Variants in MLLT3 observed in about 807,000 individuals in gnomAD.
MLLT3 encodes MLLT3 super elongation complex subunit.
A neutral mutation model predicts 53.2 loss-of-function variants in MLLT3; 4 were observed. That is an observed-to-expected ratio of 0.08 (90% CI 0.04 to 0.17). MLLT3 has a LOEUF of 0.17. Ranked by LOEUF, MLLT3 falls within the 10% of genes least tolerant of loss-of-function variation. The pLI, the probability that MLLT3 is intolerant of heterozygous loss-of-function variation, is 1.00. For synonymous variants in MLLT3, 283 were observed against 230.6 expected (o/e 1.23, Z -2.06); for missense variants, 569 against 684.0 (o/e 0.83, Z 1.87).
intron 2 of MLLT3, among the ~76,000 whole-genome samples, chr9:20,587,872 T>G (rs905612447): frequency 6.6e-6 from 1 of 152,172 alleles, no homozygotes; most frequent in Non-Finnish European, 1.5e-5. Flanking sequence ...AATTTTGGCT[T>G]TTGTTGACAT....
At chr9:20,389,942 T>G (rs1017113846) in intron 5 of MLLT3, among the ~76,000 whole-genome samples, 7 of 152,260 alleles carry the variant, frequency 4.6e-5, no homozygotes, top group African/African-American at 1.7e-4. Context: ...GGCAACTTGA[T>G]TCAGCTCCTA....
chr9:20,450,182 C>T (rs1353464568), intron 3 of MLLT3, among the ~76,000 whole-genome samples: 3 of 152,206 alleles, frequency 2.0e-5, no homozygotes, highest in Non-Finnish European at 2.9e-5. Context: ...TCCTCACTCA[C>T]TACAGTCAAA....
intron 5 of MLLT3, among the ~76,000 whole-genome samples, chr9:20,372,755 C>T (rs1821644937): frequency 6.6e-6 from 1 of 151,914 alleles, no homozygotes; most frequent in Admixed American, 6.6e-5. Flanking sequence ...ATATCTTCAG[C>T]ACTCCAATCG....
chr9:20,529,141 G>A (rs1042629034), intron 2 of MLLT3, among the ~76,000 whole-genome samples: 1 of 152,252 alleles, frequency 6.6e-6, no homozygotes, highest in Non-Finnish European at 1.5e-5. Context: ...CTGAGACTAC[G>A]CCTTACAATC....
At chr9:20,528,235 T>C (rs1240071891) in intron 2 of MLLT3, among the ~76,000 whole-genome samples, 1 of 152,256 alleles carries the variant, frequency 6.6e-6, no homozygotes, top group African/African-American at 2.4e-5. Flanking sequence ...TGTGTATAAA[T>C]ATATCCATGT....
chr9:20,381,583 A>T (rs971185302), intron 5 of MLLT3, among the ~76,000 whole-genome samples: 5 of 151,950 alleles, frequency 3.3e-5, no homozygotes, highest in African/African-American at 1.2e-4. Context: ...ACTATTAAAC[A>T]AGTTAAAAAT....
chr9:20,477,540 A>T (rs1013256634), intron 2 of MLLT3, among the ~76,000 whole-genome samples: 5 of 152,150 alleles, frequency 3.3e-5, no homozygotes, highest in Non-Finnish European at 7.4e-5. Flanking sequence ...TTACTGTCCT[A>T]ATGACCAGAA....
chr9:20,573,114 A>C (rs1231716441), intron 2 of MLLT3, among the ~76,000 whole-genome samples: 1 of 113,900 alleles, frequency 8.8e-6, no homozygotes, highest in Non-Finnish European at 2.0e-5. Context: ...AACTATCACA[A>C]CAGGAGAACT....
chr9:20,591,978 AT>A (rs995244377), intron 2 of MLLT3, among the ~76,000 whole-genome samples: 1 of 152,086 alleles, frequency 6.6e-6, no homozygotes, highest in African/African-American at 2.4e-5. Flanking sequence ...TAGGCAACAC[AT>A]TTTTTTAATA....
chr9:20,503,705 G>T (rs953379549), intron 2 of MLLT3, among the ~76,000 whole-genome samples: 46 of 151,898 alleles, frequency 3.0e-4, no homozygotes, highest in Admixed American at 2.6e-4. Flanking sequence ...AGATAACTGG[G>T]ATTACATCAA....
intron 2 of MLLT3, among the ~76,000 whole-genome samples, chr9:20,481,664 C>T (rs538010237): frequency 1.1e-4 from 17 of 152,296 alleles, no homozygotes; most frequent in Middle Eastern, 6.8e-3. Flanking sequence ...TGCTCTGCTC[C>T]GTTCCGCCTA....
intron 5 of MLLT3, among the ~76,000 whole-genome samples, chr9:20,395,766 T>C (rs1320206388): frequency 1.3e-5 from 2 of 152,212 alleles, no homozygotes; most frequent in Non-Finnish European, 2.9e-5. Flanking sequence ...GAAAGCAACA[T>C]AAATCTTTCC....
chr9:20,599,047 T>C (rs1162290955), intron 2 of MLLT3, among the ~76,000 whole-genome samples: 1 of 152,212 alleles, frequency 6.6e-6, no homozygotes, highest in Non-Finnish European at 1.5e-5. Flanking sequence ...GGCTCACGCC[T>C]GTAATCCCAG....
At chr9:20,485,157 T>G (rs1387920512) in intron 2 of MLLT3, among the ~76,000 whole-genome samples, 1 of 151,866 alleles carries the variant, frequency 6.6e-6, no homozygotes, top group Non-Finnish European at 1.5e-5. Context: ...CCCAGCTAAT[T>G]TTTGTATTTT....
chr9:20,445,864 G>T lies in MLLT3; in HGVS notation c.420+2259C>A, dbSNP rs549458604. The stretch of plus-strand genomic sequence containing the variant: ...CAAAACCCAGGCCAAAAAATAAGAA[G>T]AAGAAGAAGTTTATCTGAAGACATA... On this transcript the variant is annotated intron_variant, in intron 4 of 10. Transcript: ENST00000380338. 1.5e-4 allele frequency among the ~76,000 whole-genome samples: 23 copies of T among 152,188 alleles called. 1 individual carries two copies. Among genetic ancestry groups the T allele is most frequent in the African/African-American group, 5.3e-4 (22 of 41,542 alleles).
At chr9:20,475,931 T>C (rs1824509857) in intron 2 of MLLT3, among the ~76,000 whole-genome samples, 1 of 152,146 alleles carries the variant, frequency 6.6e-6, no homozygotes, top group Non-Finnish European at 1.5e-5. Context: ...AAACTATGCG[T>C]TTCACTGATA....
At chr9:20,470,284 C>T (rs970525515) in intron 2 of MLLT3, among the ~76,000 whole-genome samples, 1 of 151,870 alleles carries the variant, frequency 6.6e-6, no homozygotes, top group African/African-American at 2.4e-5. Context: ...ACGTTAGTAG[C>T]AAATATTTGG....
intron 4 of MLLT3, among the ~76,000 whole-genome samples, chr9:20,434,365 G>C (rs534287865): frequency 6.6e-6 from 1 of 152,166 alleles, no homozygotes; most frequent in East Asian, 1.9e-4. Context: ...TACCATACTT[G>C]TATTACAAGT....
intron 2 of MLLT3, among the ~76,000 whole-genome samples, chr9:20,521,916 T>A (rs1818072409): frequency 1.3e-5 from 2 of 151,440 alleles, no homozygotes; most frequent in Admixed American, 6.6e-5. Context: ...GAGGAAAGAA[T>A]GAAGAAGAAA....
Sources: allele counts gnomAD v4.1 joint callset (sites outside exome capture counted in the v4.1 genomes callset), GRCh38; gene constraint gnomAD v4.1.1; transcripts MANE v1.5; gene names NCBI Gene and HGNC (gene_info 2026-07-23, HGNC 2026-07-21).